Variants in PACSIN2 observed in about 807,000 individuals in gnomAD.
PACSIN2 encodes protein kinase C and casein kinase substrate in neurons 2.
PACSIN2 carries 25 observed loss-of-function variants against 63.8 expected under a neutral mutation model. The observed-to-expected ratio is 0.39, with a 90% CI of 0.29 to 0.55. The LOEUF (loss-of-function observed/expected upper bound fraction) is 0.55, where lower values mean the gene tolerates loss of function less well. Ranked by LOEUF, PACSIN2 falls within the 20% of genes least tolerant of loss-of-function variation. The pLI, the probability that PACSIN2 is intolerant of heterozygous loss-of-function variation, is 0.62. For synonymous variants in PACSIN2, 255 were observed against 256.2 expected (o/e 1.00, Z 0.05); for missense variants, 518 against 646.9 (o/e 0.80, Z 2.16).
intron 2 of PACSIN2, among the ~76,000 whole-genome samples, chr22:42,904,732 ACTCCAGTCTAC>A (rs1258995318): frequency 6.6e-6 from 1 of 151,514 alleles, no homozygotes; most frequent in Admixed American, 6.6e-5. Flanking sequence ...CCCATACTGC[ACTCCAGTCTAC>A]CTCCACCCTG....
intron 5 of PACSIN2, among the ~76,000 whole-genome samples, chr22:42,885,508 T>C (rs1443087672): frequency 6.6e-6 from 1 of 152,116 alleles, no homozygotes; most frequent in African/African-American, 2.4e-5. Context: ...CAGGGCCTTC[T>C]GAGGAAGGAT....
intron 2 of PACSIN2, among the ~76,000 whole-genome samples, chr22:42,901,715 T>C (rs912700341): frequency 3.3e-5 from 5 of 152,232 alleles, no homozygotes; most frequent in African/African-American, 1.2e-4. Context: ...AGCCATTTCT[T>C]CACCCTGTCT....
intron 1 of PACSIN2, among the ~76,000 whole-genome samples, chr22:42,936,910 CA>C (rs35446412): frequency 0.21 from 26,821 of 129,426 alleles, 4,226 homozygotes; most frequent in East Asian, 0.69. Flanking sequence ...GACTCTGCCT[CA>C]AAAAAAGGGG....
chr22:42,905,159 C>A (rs984021855), intron 2 of PACSIN2, among the ~76,000 whole-genome samples: 8 of 152,170 alleles, frequency 5.3e-5, no homozygotes, highest in African/African-American at 9.7e-5. Flanking sequence ...CAGCACAAAA[C>A]CCCGAAGTGC....
At chr22:42,965,443 G>T (rs950543568) in intron 1 of PACSIN2, among the ~76,000 whole-genome samples, 1 of 152,082 alleles carries the variant, frequency 6.6e-6, no homozygotes, top group African/African-American at 2.4e-5. Flanking sequence ...GGAGAAGGAG[G>T]GGAAAAGAAG....
At chr22:42,906,875 T>C (rs1931112371) in intron 2 of PACSIN2, among the ~76,000 whole-genome samples, 1 of 152,260 alleles carries the variant, frequency 6.6e-6, no homozygotes, top group Admixed American at 6.5e-5. Flanking sequence ...AGAAAAAAAG[T>C]ACCACACACA....
At chr22:42,878,919 A>G in intron 8 of PACSIN2, 129 bp downstream of exon 8, 2 of 1,077,102 alleles carry the variant, frequency 1.9e-6, no homozygotes, top group Non-Finnish European at 2.6e-6. Context: ...AGGCTGGGCC[A>G]CGGCCCACAG....
At chr22:43,000,158 A>C (rs1247704665) in intron 1 of PACSIN2, among the ~76,000 whole-genome samples, 1 of 152,202 alleles carries the variant, frequency 6.6e-6, no homozygotes, top group Non-Finnish European at 1.5e-5. Context: ...CCCAAGACCA[A>C]AACATGCCAG....
At chr22:42,903,132 G>A (rs950705755) in intron 2 of PACSIN2, among the ~76,000 whole-genome samples, 1 of 152,182 alleles carries the variant, frequency 6.6e-6, no homozygotes, top group Admixed American at 6.5e-5. Flanking sequence ...GAAATCCAGG[G>A]CCTGAGTTAG....
intron 1 of PACSIN2, among the ~76,000 whole-genome samples, chr22:42,945,200 C>A (rs755609933): frequency 2.2e-4 from 29 of 133,042 alleles, no homozygotes; most frequent in Non-Finnish European, 4.1e-4. Context: ...GATGTACGCA[C>A]CGGCAATTAC....
Position 42,888,752 on chromosome 22 carries a change from T to G in PACSIN2, c.500A>C (p.Lys167Thr). 2 of 1,614,160 alleles carry G rather than the reference T, an allele frequency of 1.2e-6. No homozygotes were observed. The highest frequency in any genetic ancestry group is 1.7e-6 in the Non-Finnish European group (2 of 1,179,972). ...KAHHAACKEE[K>T]LAISREANSK... is the part of the protein sequence containing the mutation. ...GTTGGCTTCTCGTGAGATAGCCAGC[T>G]TCTCCTCTTTGCACGCTGCATGGTG... is the stretch of plus-strand genomic sequence containing the variant. Residue 167 changes from lysine (K) to threonine (T), a missense_variant, in exon 5 of 11, where the codon AAG becomes ACG. Coordinates refer to ENST00000263246, the MANE Select transcript of PACSIN2 (RefSeq NM_001184970.3).
At chr22:42,882,357 T>G (rs1929146234) in intron 6 of PACSIN2, 53 bp from the exon 7 acceptor site, 2 of 1,566,256 alleles carry the variant, frequency 1.3e-6, no homozygotes, top group Admixed American at 1.8e-5. Flanking sequence ...AGCTACCCTT[T>G]GTCCCAGCCC....
intron 1 of PACSIN2, among the ~76,000 whole-genome samples, chr22:42,921,907 T>A (rs1363189033): frequency 6.6e-6 from 1 of 151,902 alleles, no homozygotes; most frequent in Non-Finnish European, 1.5e-5. Flanking sequence ...CCAGGCTAAT[T>A]TTTGTATTTT....
intron 1 of PACSIN2, among the ~76,000 whole-genome samples, chr22:42,985,741 G>C (rs112404789): frequency 6.6e-6 from 1 of 152,256 alleles, no homozygotes; most frequent in African/African-American, 2.4e-5. Flanking sequence ...TATTCAGAGG[G>C]AGGGCTAAGG....
At chr22:42,971,745 G>T (rs1285800551) in intron 1 of PACSIN2, among the ~76,000 whole-genome samples, 1 of 151,514 alleles carries the variant, frequency 6.6e-6, no homozygotes, top group Non-Finnish European at 1.5e-5. Flanking sequence ...CAGCCGCCCC[G>T]TCCGGGAGGT....
At chr22:42,979,535 A>T (rs1389722018) in intron 1 of PACSIN2, among the ~76,000 whole-genome samples, 1 of 151,296 alleles carries the variant, frequency 6.6e-6, no homozygotes, top group East Asian at 1.9e-4. Context: ...AAAAAAAAAA[A>T]AAAAAAAAAG....
chr22:42,903,684 G>A (rs2413734), intron 2 of PACSIN2, among the ~76,000 whole-genome samples: 5 of 152,154 alleles, frequency 3.3e-5, no homozygotes, highest in African/African-American at 4.8e-5. Context: ...ACTGGGGCTC[G>A]CCATCTGCAA....
intron 1 of PACSIN2, among the ~76,000 whole-genome samples, chr22:42,929,940 G>A (rs1041954142): frequency 6.6e-6 from 1 of 152,164 alleles, no homozygotes; most frequent in Non-Finnish European, 1.5e-5. Flanking sequence ...CTCACACAGG[G>A]CTCCTTCCAA....
intron 1 of PACSIN2, among the ~76,000 whole-genome samples, chr22:42,961,456 A>G (rs1259504881): frequency 6.6e-6 from 1 of 151,556 alleles, no homozygotes; most frequent in Non-Finnish European, 1.5e-5. Context: ...TTAAAAAAAA[A>G]AAAAAAAAAA....
Sources: allele counts gnomAD v4.1 joint callset (sites outside exome capture counted in the v4.1 genomes callset), GRCh38; gene constraint gnomAD v4.1.1; transcripts MANE v1.5; gene names NCBI Gene and HGNC (gene_info 2026-07-23, HGNC 2026-07-21).